PPARA: variants seen among roughly 807,000 people sequenced by gnomAD.
The protein encoded by PPARA is peroxisome proliferator activated receptor alpha, also known as peroxisome proliferator-activated receptor alpha.
In PPARA, 22 loss-of-function variants were observed where a neutral mutation model predicts 42.2. The observed-to-expected ratio is 0.52, with a 90% CI of 0.37 to 0.74. The LOEUF (loss-of-function observed/expected upper bound fraction) is 0.74. Ranked by LOEUF, PPARA falls within the 30% of genes least tolerant of loss-of-function variation. The pLI is 0.00. For synonymous variants in PPARA, 242 were observed against 239.3 expected, an observed-to-expected ratio of 1.01 and a Z score of -0.10; for missense variants, 465 against 608.2, an observed-to-expected ratio of 0.76 and a Z score of 2.48.
chr22:46,194,147 A>G (rs748265328), intron 3 of PPARA, among the ~76,000 whole-genome samples: 4 of 152,124 alleles, frequency 2.6e-5, no homozygotes, highest in Non-Finnish European at 4.4e-5. Context: ...TCCAAAGGCA[A>G]CTGTTCCTTA....
chr22:46,171,750 G>A lies in PPARA; in HGVS notation c.-126-5003G>A, dbSNP rs2147195510. 6.6e-6 allele frequency among the ~76,000 whole-genome samples: 1 copy of A among 152,300 alleles called. No homozygotes were observed. The highest frequency in any genetic ancestry group is 1.9e-4 in the East Asian group (1 of 5,184). On this transcript the variant is annotated intron_variant, in intron 2 of 8. Coordinates refer to ENST00000407236, the MANE Select transcript of PPARA (RefSeq NM_005036.6). The surrounding 1 kb of genome is among the most constrained non-coding windows in gnomAD (Gnocchi z 5.0). ...GAGAAAGAGGTCAGGAGGTCCCAGG[G>A]GAGAGGCAGGACCAGTCTCGTGGAG...
In PPARA at chr22:46,204,979, G is replaced by A. The variant is rs1379317559; in HGVS notation, c.208+6388G>A. On this transcript the variant is annotated intron_variant, in intron 4 of 8. Coordinates refer to ENST00000407236, the MANE Select transcript of PPARA (RefSeq NM_005036.6). The surrounding 1 kb of genome is among the most constrained non-coding windows in gnomAD (Gnocchi z 5.2). ...ACCTCTTGGGCTCAGGAAACCCTCC[G>A]ACCTCAGCCTCCCAAGTAGCTGGGA... Among the ~76,000 whole-genome samples, 4 of 151,704 alleles carry A rather than the reference G, an allele frequency of 2.6e-5. No homozygotes were observed. Among genetic ancestry groups the A allele is most frequent in the South Asian group, 2.1e-4 (1 of 4,820 alleles).
intron 4 of PPARA, among the ~76,000 whole-genome samples, chr22:46,199,478 T>C (rs1020417839): frequency 2.0e-5 from 3 of 151,680 alleles, no homozygotes; most frequent in Admixed American, 2.0e-4. Flanking sequence ...ACAAAAAAAA[T>C]TTAAAATTAA....
At chr22:46,164,854 C>G (rs1926801866) in intron 2 of PPARA, 1 of 152,052 alleles carries the variant, frequency 6.6e-6, no homozygotes, top group Non-Finnish European at 1.5e-5. Flanking sequence ...AATTGTTTTC[C>G]TATTTCATTC....
chr22:46,213,746 G>A (rs1309696534), intron 4 of PPARA, among the ~76,000 whole-genome samples: 3 of 151,940 alleles, frequency 2.0e-5, no homozygotes, highest in Admixed American at 2.0e-4. Context: ...CCCCCACCAC[G>A]CCCGGCTAAT....
chr22:46,215,067 C>A, intron 4 of PPARA, 106 bp from the exon 5 acceptor site: 1 of 1,424,010 alleles, frequency 7.0e-7, no homozygotes, highest in Non-Finnish European at 9.8e-7. Flanking sequence ...AGGTTTATGC[C>A]TCAGCACTAG....
intron 4 of PPARA, among the ~76,000 whole-genome samples, chr22:46,210,309 C>CAA (rs1189985964): frequency 6.2e-4 from 53 of 85,958 alleles, no homozygotes; most frequent in East Asian, 6.7e-4. Flanking sequence ...AACTCCATCT[C>CAA]AAAAAAAAAA....
At chr22:46,202,107 C>A (rs1371662127) in intron 4 of PPARA, among the ~76,000 whole-genome samples, 3 of 151,936 alleles carry the variant, frequency 2.0e-5, no homozygotes, top group Non-Finnish European at 4.4e-5. Flanking sequence ...GGCTCTAGCT[C>A]TGGAAAGTTC....
intron 4 of PPARA, among the ~76,000 whole-genome samples, chr22:46,208,712 C>T (rs1933633540): frequency 6.6e-6 from 1 of 152,134 alleles, no homozygotes; most frequent in African/African-American, 2.4e-5. Context: ...CCTCCCTCAA[C>T]CTCAGCCCCT....
intron 2 of PPARA, among the ~76,000 whole-genome samples, chr22:46,169,150 C>T (rs1212080826): frequency 6.6e-6 from 1 of 151,882 alleles, no homozygotes; most frequent in African/African-American, 2.4e-5. Flanking sequence ...ATAAAATGTA[C>T]AACACAAAGA....
At chr22:46,185,512 A>C (rs1390834899) in intron 3 of PPARA, among the ~76,000 whole-genome samples, 2 of 152,134 alleles carry the variant, frequency 1.3e-5, no homozygotes, top group Non-Finnish European at 2.9e-5. Flanking sequence ...GCAGAAGTAC[A>C]TTCAGAACTT....
chr22:46,225,483 T>C lies in PPARA; in HGVS notation c.711+5469T>C, dbSNP rs1601806690. Among the ~76,000 whole-genome samples, 1 of 152,254 alleles carries C rather than the reference T, an allele frequency of 6.6e-6. No individual in the cohort carries two copies. The highest frequency in any genetic ancestry group is 1.9e-4 in the East Asian group (1 of 5,190). On this transcript the variant is annotated intron_variant, in intron 7 of 8. Coordinates refer to ENST00000407236, the MANE Select transcript of PPARA (RefSeq NM_005036.6). The surrounding 1 kb of genome is among the most constrained non-coding windows in gnomAD (Gnocchi z 4.1). ...TTGGGCAGAGTCAGTGCCTTCTGTG[T>C]GATGCACGCTCATGCACAAATGCAC...
rs1934467818 is a variant in PPARA at position 46,216,173 on chromosome 22, A to G, written c.369+840A>G. On this transcript the variant is annotated intron_variant, in intron 5 of 8. Coordinates refer to ENST00000407236, the MANE Select transcript of PPARA (RefSeq NM_005036.6). The surrounding 1 kb of genome is among the most constrained non-coding windows in gnomAD (Gnocchi z 4.5). ...CGAGGCGGCTGGATCACCTGAGGTC[A>G]GGAGTTCAAGACCAGCCTGGCCAAC... Among the ~76,000 whole-genome samples, 1 of 152,134 alleles carries G rather than the reference A, an allele frequency of 6.6e-6. No homozygotes were observed. The highest frequency in any genetic ancestry group is 2.4e-5 in the African/African-American group (1 of 41,434).
chr22:46,242,731 G>GCA lies in PPARA; in HGVS notation c.*7380_*7381dup, dbSNP rs3840962. The GCA allele has an allele frequency of 0.14, 18,364 of 132,680 alleles. 1,173 individuals carry two copies. The highest frequency in any genetic ancestry group is 0.27 in the East Asian group (1,358 of 5,018). 8.2% of individuals were successfully genotyped at this position (132,680 alleles called of 1,614,324 possible). The stretch of plus-strand genomic sequence containing the variant: ...AAATACACTGCGTACACGTGTGCGT[G>GCA]CACACACACACACACACACACACAC... On this transcript the variant is annotated 3_prime_UTR_variant, in exon 9 of 9. Coordinates refer to ENST00000407236, the MANE Select transcript of PPARA (RefSeq NM_005036.6). This position sits in a 1 kb window ranked among gnomAD's most constrained non-coding sequence, Gnocchi z 6.1.
rs2147664548 is a variant in PPARA at position 46,227,823 on chromosome 22, G to A, written c.712-3969G>A. On this transcript the variant is annotated intron_variant, in intron 7 of 8. Transcript: ENST00000407236. The surrounding 1 kb of genome is among the most constrained non-coding windows in gnomAD (Gnocchi z 4.3). ...TTCATAGTCAAGCTTGAGTATAAAA[G>A]GCATATTCCAAAGTTAAATATAAGC... 6.6e-6 allele frequency among the ~76,000 whole-genome samples: 1 copy of A among 152,270 alleles called. No individual in the cohort carries two copies.
intron 2 of PPARA, among the ~76,000 whole-genome samples, chr22:46,152,456 G>A (rs771908003): frequency 3.6e-4 from 55 of 152,074 alleles, no homozygotes; most frequent in Non-Finnish European, 1.9e-4. Context: ...GAAGTTCTGA[G>A]TTATTGTGTG....
rs1935976436 is a variant in PPARA, at chr22:46,232,930, C to T, written c.1159+691C>T. 7.0e-6 allele frequency among the ~76,000 whole-genome samples: 1 copy of T among 143,778 alleles called. No homozygotes were observed. The allele number at this position is 143,778 out of a possible 152,430, so 94.3% of individuals were successfully genotyped here. A position where few individuals can be genotyped will look rare whatever the true frequency, so the allele number is the denominator to read the frequency against. On this transcript the variant is annotated intron_variant, in intron 8 of 8. Transcript: ENST00000407236. This position sits in a 1 kb window ranked among gnomAD's most constrained non-coding sequence, Gnocchi z 5.3. ...CCAGGAGACAAAGGTTGCAGTGAGC[C>T]AAGGTCACGCCACCACACTCCAGCC...
chr22:46,207,677 A>ATTATTATTATTTTTTT (rs1555951376), intron 4 of PPARA, among the ~76,000 whole-genome samples: 1 of 50,722 alleles, frequency 2.0e-5, no homozygotes, highest in African/African-American at 8.4e-5. Flanking sequence ...TATTATTATT[A>ATTATTATTATTTTTTT]TTTTTTTTTT....
In PPARA at chr22:46,195,572, T is replaced by C. The variant is rs1220150485; in HGVS notation, c.-42-2770T>C. 6.6e-6 allele frequency among the ~76,000 whole-genome samples: 1 copy of C among 152,158 alleles called. No homozygotes were observed. Among genetic ancestry groups the C allele is most frequent in the Non-Finnish European group, 1.5e-5 (1 of 68,032 alleles). On this transcript the variant is annotated intron_variant, in intron 3 of 8. Coordinates refer to ENST00000407236, the MANE Select transcript of PPARA (RefSeq NM_005036.6). This position sits in a 1 kb window ranked among gnomAD's most constrained non-coding sequence, Gnocchi z 4.6. The stretch of plus-strand genomic sequence containing the variant: ...GTGAATTTCACAAAAATGGATGAAA[T>C]GTATCTATTTTTCATTGGTAGAAGA...
Sources: gnomAD v4.1 joint callset for allele counts (sites outside exome capture counted in the v4.1 genomes callset) on GRCh38, gnomAD v4.1.1 for gene constraint, Gnocchi (gnomAD v3.1) non-coding constraint, MANE v1.5 for transcripts, NCBI Gene and HGNC (gene_info 2026-07-23, HGNC 2026-07-21) for gene names.